FSTL5: variants seen among roughly 807,000 people sequenced by gnomAD.
FSTL5 encodes follistatin-related protein 5.
Under a neutral mutation model 89.1 loss-of-function variants are expected in FSTL5, and 62 were observed. The ratio of observed to expected loss-of-function variants is 0.70; its 90% confidence interval spans 0.57 to 0.86. The LOEUF (loss-of-function observed/expected upper bound fraction) is 0.86. Among genes scored for constraint, FSTL5 ranks in the 40% least tolerant of loss-of-function variants. The pLI is 0.00. For synonymous variants in FSTL5, 383 were observed against 346.2 expected, an observed-to-expected ratio of 1.11 and a Z score of -1.18; for missense variants, 1,057 against 1,001.6, an observed-to-expected ratio of 1.06 and a Z score of -0.75.
chr4:161,481,731 T>C (rs2126454559), intron 12 of FSTL5, among the ~76,000 whole-genome samples: 1 of 152,330 alleles, frequency 6.6e-6, no homozygotes, highest in East Asian at 1.9e-4. Context: ...ATAAAATCTT[T>C]CAATATTCCC....
chr4:161,861,920 A>G (rs1731929555), intron 4 of FSTL5, among the ~76,000 whole-genome samples: 1 of 152,202 alleles, frequency 6.6e-6, no homozygotes, highest in Non-Finnish European at 1.5e-5. Context: ...ATCTCACTGA[A>G]AAGTAATGTA....
At chr4:161,846,558 AT>A (rs1731376270) in intron 4 of FSTL5, among the ~76,000 whole-genome samples, 1 of 152,178 alleles carries the variant, frequency 6.6e-6, no homozygotes, top group African/African-American at 2.4e-5. Context: ...TACTCCATAA[AT>A]TTTTATGAAG....
chr4:161,994,171 T>C (rs185124333), intron 3 of FSTL5, among the ~76,000 whole-genome samples: 3 of 152,300 alleles, frequency 2.0e-5, no homozygotes, highest in Non-Finnish European at 2.9e-5. Context: ...CCTATGTTAG[T>C]TTGCTAATAA....
intron 3 of FSTL5, among the ~76,000 whole-genome samples, chr4:161,974,018 A>ATT (rs1352065528): frequency 1.3e-5 from 2 of 152,186 alleles, no homozygotes; most frequent in Non-Finnish European, 2.9e-5. Context: ...ATTGCTTCAA[A>ATT]GAGAATACAA....
At chr4:162,145,694 A>T (rs1216443736) in intron 1 of FSTL5, among the ~76,000 whole-genome samples, 3 of 152,128 alleles carry the variant, frequency 2.0e-5, no homozygotes, top group Non-Finnish European at 4.4e-5. Context: ...CTGAACAAAC[A>T]AGTCACATGG....
intron 15 of FSTL5, among the ~76,000 whole-genome samples, chr4:161,454,542 T>C (rs528309809): frequency 6.6e-6 from 1 of 152,326 alleles, no homozygotes; most frequent in East Asian, 1.9e-4. Context: ...AATTACAATA[T>C]GATCAAAAAA....
intron 3 of FSTL5, among the ~76,000 whole-genome samples, chr4:161,929,418 TCTC>T (rs1483717045): frequency 6.6e-6 from 1 of 151,746 alleles, no homozygotes; most frequent in Non-Finnish European, 1.5e-5. Context: ...CCTGTCTTCT[TCTC>T]CTTCAATATT....
chr4:162,090,002 CTA>C (rs567037739), intron 2 of FSTL5, among the ~76,000 whole-genome samples: 40 of 152,260 alleles, frequency 2.6e-4, no homozygotes, highest in African/African-American at 9.4e-4. Context: ...GAAAGACTCT[CTA>C]TTCAGTCAAT....
At chr4:161,883,444 C>A (rs574484484) in intron 4 of FSTL5, among the ~76,000 whole-genome samples, 1 of 152,252 alleles carries the variant, frequency 6.6e-6, no homozygotes, top group African/African-American at 2.4e-5. Context: ...TCTGTCATTA[C>A]TGTCAATCTT....
chr4:161,644,303 G>A (rs1485058794), intron 7 of FSTL5, among the ~76,000 whole-genome samples: 5 of 152,158 alleles, frequency 3.3e-5, no homozygotes, highest in Non-Finnish European at 2.9e-5. Flanking sequence ...AAGGAGGGCA[G>A]ATCAGATGAG....
Position 161,557,241 on chromosome 4 carries a change from T to C in FSTL5, c.1016-14548A>G, listed in dbSNP as rs1364065004. ...CTTAAAAATTATATATAAATCATAA[T>C]AAGCCTAAAACTTGCTAAACAAAGA... On this transcript the variant is annotated intron_variant, in intron 8 of 15. Coordinates refer to ENST00000306100, the MANE Select transcript of FSTL5 (RefSeq NM_020116.5). Among the ~76,000 whole-genome samples the C allele has an allele frequency of 2.0e-5, 3 of 151,580 alleles. No individual in the cohort carries two copies. In the East Asian group the frequency reaches 5.9e-4, roughly 30 times the overall value.
chr4:161,560,229 A>G (rs1483819477), intron 8 of FSTL5, among the ~76,000 whole-genome samples: 1 of 151,904 alleles, frequency 6.6e-6, no homozygotes, highest in Non-Finnish European at 1.5e-5. Context: ...AGTAAAAGTA[A>G]GATATAATAT....
intron 7 of FSTL5, among the ~76,000 whole-genome samples, chr4:161,592,414 A>G (rs907201803): frequency 1.3e-5 from 2 of 151,840 alleles, no homozygotes; most frequent in Non-Finnish European, 2.9e-5. Context: ...TCCTAATGCT[A>G]TCCCTCCCCT....
intron 15 of FSTL5, among the ~76,000 whole-genome samples, chr4:161,436,258 T>C (rs1205467864): frequency 6.6e-6 from 1 of 152,180 alleles, no homozygotes; most frequent in African/African-American, 2.4e-5. Context: ...AGCCTTTAAA[T>C]AGGATAAAAA....
intron 2 of FSTL5, among the ~76,000 whole-genome samples, chr4:162,103,576 T>C (rs568950099): frequency 1.3e-5 from 2 of 152,314 alleles, no homozygotes; most frequent in South Asian, 2.1e-4. Context: ...GATGCTTACA[T>C]AGCAAAGTCT....
At chr4:161,560,246 T>C (rs1240718765) in intron 8 of FSTL5, among the ~76,000 whole-genome samples, 1 of 151,874 alleles carries the variant, frequency 6.6e-6, no homozygotes, top group African/African-American at 2.4e-5. Context: ...ATATAAAAGA[T>C]GGTACTCCTG....
At chr4:162,112,143 C>T (rs1251361795) in intron 1 of FSTL5, among the ~76,000 whole-genome samples, 1 of 152,104 alleles carries the variant, frequency 6.6e-6, no homozygotes, top group African/African-American at 2.4e-5. Flanking sequence ...CAAGTATATC[C>T]TGCTTTATCA....
chr4:161,912,667 G>C (rs1414193089), intron 4 of FSTL5, among the ~76,000 whole-genome samples: 2 of 152,094 alleles, frequency 1.3e-5, no homozygotes, highest in Non-Finnish European at 2.9e-5. Flanking sequence ...ACAGTAAATT[G>C]GTACCAGTAG....
intron 11 of FSTL5, 65 bp downstream of exon 11, chr4:161,510,333 T>A (rs780278688): frequency 8.9e-5 from 86 of 965,680 alleles, no homozygotes; most frequent in Non-Finnish European, 1.3e-4. Flanking sequence ...ATACAAAATA[T>A]AATCAACAAA....
Sources: allele counts gnomAD v4.1 joint callset (sites outside exome capture counted in the v4.1 genomes callset), GRCh38; gene constraint gnomAD v4.1.1; transcripts MANE v1.5; gene names NCBI Gene and HGNC (gene_info 2026-07-23, HGNC 2026-07-21).